The following PCDHGA3 variants were observed in gnomAD, a reference collection of about 807,000 sequenced individuals.
The protein encoded by PCDHGA3 is protocadherin gamma subfamily A, 3, also known as protocadherin gamma-A3.
A neutral mutation model predicts 58.5 loss-of-function variants in PCDHGA3; 40 were observed. The observed-to-expected ratio is 0.68, with a 90% CI of 0.53 to 0.89. The LOEUF (loss-of-function observed/expected upper bound fraction) is 0.89, where lower values mean the gene tolerates loss of function less well. Ranked by LOEUF, PCDHGA3 falls within the 40% of genes least tolerant of loss-of-function variation. The pLI is 0.00. For missense variants in PCDHGA3, 1,223 were observed against 1,195.9 expected (o/e 1.02, Z -0.33); for synonymous variants, 530 against 525.7 (o/e 1.01, Z -0.11).
intron 1 of PCDHGA3, chr5:141,388,696 AGG>A (rs1404425662): frequency 1.2e-6 from 2 of 1,613,882 alleles, no homozygotes; most frequent in Non-Finnish European, 1.7e-6. Flanking sequence ...GACCAGGATG[AGG>A]GTGTCAATGC....
At position 141,421,347 on chromosome 5, in the gene PCDHGA3, C is replaced by T. The variant is rs147068995; in HGVS notation, c.2425-73460C>T. 359 of 1,613,948 alleles carry T rather than the reference C, an allele frequency of 2.2e-4. 2 individuals carry two copies. In the East Asian group the frequency reaches 6.5e-3, roughly 29 times the overall value. On this transcript the variant is annotated intron_variant, in intron 1 of 3. Coordinates refer to ENST00000253812, the MANE Select transcript of PCDHGA3 (RefSeq NM_018916.4). ...TCCGATATTCGGTGCCAGAAGAGAC[C>T]GAAAAGGGCTCCTTCGTGGGCAATA...
At chr5:141,355,608 A>G (rs1561509315) in intron 1 of PCDHGA3, 2 of 1,613,982 alleles carry the variant, frequency 1.2e-6, no homozygotes, top group Non-Finnish European at 1.7e-6. Context: ...TTGGGACAGA[A>G]CAGAGGGAAA....
Position 141,476,017 on chromosome 5 carries a change from G to C in PCDHGA3, c.2425-18790G>C. The C allele has an allele frequency of 1.5e-6, 2 of 1,369,942 alleles. No individual in the cohort carries two copies. The highest frequency in any genetic ancestry group is 2.0e-6 in the Non-Finnish European group (2 of 1,015,658). The allele number at this position is 1,369,942 out of a possible 1,614,324, so 84.9% of individuals were successfully genotyped here. A position where few individuals can be genotyped will look rare whatever the true frequency, so the allele number is the denominator to read the frequency against. On this transcript the variant is annotated intron_variant, in intron 1 of 3. Coordinates refer to ENST00000253812, the MANE Select transcript of PCDHGA3 (RefSeq NM_018916.4). This position sits in a 1 kb window ranked among gnomAD's most constrained non-coding sequence, Gnocchi z 7.6. ...CAACGGCATCCAGAAAGCCATGTCG[G>C]ACTCGGCGCCCAGCGCCCAAGCGCT...
In PCDHGA3 at chr5:141,344,464, AACT is replaced by A; in HGVS notation, c.433_435del (p.Leu145del). On this transcript the variant is annotated inframe_deletion, in exon 1 of 4. Transcript: ENST00000253812. ...GAGGAATTGGAAATAAAAATTGGTG[AACT>A]AACGGTTCCTGGAACCCGATTTCCA... 1 of 1,613,906 alleles carries A rather than the reference AACT, an allele frequency of 6.2e-7. No homozygotes were observed. Among genetic ancestry groups the A allele is most frequent in the South Asian group, 1.1e-5 (1 of 91,074 alleles).
At chr5:141,420,327 A>G in intron 1 of PCDHGA3, 1 of 1,425,478 alleles carries the variant, frequency 7.0e-7, no homozygotes, top group South Asian at 1.5e-5. Context: ...ATGCCAATAT[A>G]TTCCAATATA....
At chr5:141,394,851 C>T in intron 1 of PCDHGA3, 1 of 1,613,824 alleles carries the variant, frequency 6.2e-7, no homozygotes, top group Non-Finnish European at 8.5e-7. Context: ...CAGTCTGAAG[C>T]CTTCGGTCGA....
At chr5:141,413,080 A>G (rs2095603656) in intron 1 of PCDHGA3, 3 of 1,298,546 alleles carry the variant, frequency 2.3e-6, no homozygotes, top group Non-Finnish European at 3.2e-6. Context: ...TGCCCAGGCT[A>G]CAGAGACACC....
chr5:141,423,423 G>C (rs1561809630), intron 1 of PCDHGA3: 2 of 1,614,096 alleles, frequency 1.2e-6, no homozygotes, highest in Non-Finnish European at 8.5e-7. Flanking sequence ...CTGAAGGCGG[G>C]TTGGCAGGTA....
At chr5:141,348,295 C>T (rs1211454318) in intron 1 of PCDHGA3, among the ~76,000 whole-genome samples, 1 of 152,132 alleles carries the variant, frequency 6.6e-6, no homozygotes, top group Non-Finnish European at 1.5e-5. Flanking sequence ...TGTATTCTCA[C>T]TGAAACATGG....
intron 1 of PCDHGA3, among the ~76,000 whole-genome samples, chr5:141,481,126 A>G (rs2099532217): frequency 6.6e-6 from 1 of 152,222 alleles, no homozygotes. Context: ...CATTTAGCAT[A>G]TTTGTGAAGT....
In PCDHGA3 at chr5:141,345,713, C is replaced by T. The variant is rs762169272; in HGVS notation, c.1680C>T (p.Pro560=). The change falls in exon 1 of 4, where the codon CCC becomes CCT. Residue 560 remains proline (P), a synonymous_variant. Transcript: ENST00000253812. ...TGCTGGACCAGAACGACAACGCGCC[C>T]GAGATCCTGTACCCCGCCCTCCCCA... is the stretch of plus-strand genomic sequence containing the variant. ...LFVLDQNDNA[P]EILYPALPTD... 44 of 1,614,120 alleles carry T rather than the reference C, an allele frequency of 2.7e-5. No homozygotes were observed. The highest frequency in any genetic ancestry group is 3.5e-5 in the Non-Finnish European group (41 of 1,180,058).
At chr5:141,369,953 C>T (rs1473621246) in intron 1 of PCDHGA3, among the ~76,000 whole-genome samples, 1 of 152,124 alleles carries the variant, frequency 6.6e-6, no homozygotes, top group Non-Finnish European at 1.5e-5. Context: ...ATTATCTCTG[C>T]CCTTTGACAA....
In PCDHGA3 at chr5:141,511,217, C is replaced by A. The variant is rs766814445; in HGVS notation, c.*44C>A. On this transcript the variant is annotated 3_prime_UTR_variant, in exon 4 of 4. Transcript: ENST00000253812. ...AGCCACAGGGCGGCCTCTCCCCAAC[C>A]AGCCCAGCTTCTCCTTACCTGCACC... The A allele has an allele frequency of 2.5e-6, 4 of 1,607,588 alleles. No homozygotes were observed. Among genetic ancestry groups the A allele is most frequent in the Non-Finnish European group, 3.4e-6 (4 of 1,177,026 alleles).
At chr5:141,483,700 T>C (rs1003495517) in intron 1 of PCDHGA3, among the ~76,000 whole-genome samples, 4 of 152,090 alleles carry the variant, frequency 2.6e-5, no homozygotes, top group Admixed American at 2.6e-4. Context: ...ATTCCTCTTT[T>C]TGACACCAGA....
Position 141,345,955 on chromosome 5 carries a change from GC to G in PCDHGA3, c.1924del (p.Leu642SerfsTer127). ...ALLDRDALKQ[S>X]LVVAVQDHGQ... ...CTGGACAGAGACGCGCTCAAGCAGAGCCTCGTGGTGGCCGTCCAGGACCACG... is the reference window on the plus strand; with the variant it reads ...CTGGACAGAGACGCGCTCAAGCAGAGCTCGTGGTGGCCGTCCAGGACCACG... On this transcript the variant is annotated frameshift_variant, in exon 1 of 4. Coordinates refer to ENST00000253812, the MANE Select transcript of PCDHGA3 (RefSeq NM_018916.4). LOFTEE classifies it high-confidence loss of function. 1 of 1,613,622 alleles carries G rather than the reference GC, an allele frequency of 6.2e-7. No homozygotes were observed. Among genetic ancestry groups the G allele is most frequent in the Non-Finnish European group, 8.5e-7 (1 of 1,179,888 alleles).
chr5:141,344,796 G>A lies in PCDHGA3; in HGVS notation c.763G>A (p.Val255Met), dbSNP rs1212882263. Residue 255 changes from valine to methionine, a missense_variant, in exon 1 of 4, where the codon GTG (valine) becomes ATG (methionine). By Grantham distance (21) the Val-to-Met change is conservative (BLOSUM62 1). Around this residue, in one of 3 missense-constraint regions of PCDHGA3, gnomAD observed 791 missense variants for 708.5 expected, o/e 1.12. Transcript: ENST00000253812. ...PEYRVSVWENVPVGTRLLTVN... is the reference protein window; with the variant it reads ...PEYRVSVWENMPVGTRLLTVN... ...GTACCGTGTGAGTGTTTGGGAGAAC[G>A]TGCCTGTGGGTACCCGGCTGCTCAC... The A allele has an allele frequency of 2.5e-6, 4 of 1,613,950 alleles. No homozygotes were observed. Among genetic ancestry groups the A allele is most frequent in the Non-Finnish European group, 3.4e-6 (4 of 1,179,894 alleles).
intron 1 of PCDHGA3, among the ~76,000 whole-genome samples, chr5:141,437,723 G>A (rs2097904411): frequency 6.6e-6 from 1 of 150,736 alleles, no homozygotes; most frequent in South Asian, 2.1e-4. Context: ...ACCCTCTAAT[G>A]TTACACTTTG....
At chr5:141,380,474 C>T (rs1452214567) in intron 1 of PCDHGA3, among the ~76,000 whole-genome samples, 1 of 152,180 alleles carries the variant, frequency 6.6e-6, no homozygotes, top group Non-Finnish European at 1.5e-5. Context: ...GGTCAGGATT[C>T]TTCCCAATAT....
In PCDHGA3 at chr5:141,505,414, C is replaced by T. The variant is rs373956550; in HGVS notation, c.2505C>T (p.Thr835=). The T allele has an allele frequency of 3.0e-5, 48 of 1,614,046 alleles. No homozygotes were observed. In the African/African-American group the frequency reaches 3.1e-4, roughly 10 times the overall value. The change falls in exon 3 of 4, where the codon ACC becomes ACT. Residue 835 remains threonine (T), a synonymous_variant. Transcript: ENST00000253812. ...CCAGCTCCCAAAATGGCGATGACACCGGCACCTGGCCCAACAACCAGTTTG... is the reference window on the plus strand; with the variant it reads ...CCAGCTCCCAAAATGGCGATGACACTGGCACCTGGCCCAACAACCAGTTTG... ...GTSGSQNGDD[T]GTWPNNQFDT...
Sources: gnomAD v4.1 joint callset for allele counts (sites outside exome capture counted in the v4.1 genomes callset) on GRCh38, gnomAD v4.1.1 for gene constraint, gnomAD v4.1.1 regional missense constraint, Gnocchi (gnomAD v3.1) non-coding constraint, MANE v1.5 for transcripts, NCBI Gene and HGNC (gene_info 2026-07-23, HGNC 2026-07-21) for gene names.